PIEZO1: variants seen among roughly 807,000 people sequenced by gnomAD.
PIEZO1 encodes the protein piezo type mechanosensitive ion channel component 1 (Er blood group), also known as piezo-type mechanosensitive ion channel component 1.
In PIEZO1, 296 loss-of-function variants were observed where a neutral mutation model predicts 297.2. The ratio of observed to expected loss-of-function variants is 1.00; its 90% confidence interval spans 0.91 to 1.10. The LOEUF is 1.10. Among genes scored for constraint, PIEZO1 ranks in the 50% least tolerant of loss-of-function variants. PIEZO1 has a pLI of 0.00. For missense variants in PIEZO1, 5,018 were observed against 3,455.5 expected (o/e 1.45, Z -11.34); for synonymous variants, 2,427 against 1,507.5 (o/e 1.61, Z -14.13).
intron 1 of PIEZO1, among the ~76,000 whole-genome samples, chr16:88,761,389 C>G (rs1215093350): frequency 2.0e-5 from 3 of 152,204 alleles, no homozygotes; most frequent in Admixed American, 6.5e-5. Context: ...CTGCCCTGCC[C>G]AGGAGGGCAC....
chr16:88,724,888 G>A (rs1417219938), intron 30 of PIEZO1, 121 bp downstream of exon 30: 13 of 638,554 alleles, frequency 2.0e-5, no homozygotes, highest in African/African-American at 3.9e-5. Flanking sequence ...GCCTGAGCAC[G>A]TCCTGACGCT....
chr16:88,746,706 G>C (rs750124), intron 2 of PIEZO1, among the ~76,000 whole-genome samples: 1 of 152,042 alleles, frequency 6.6e-6, no homozygotes, highest in Non-Finnish European at 1.5e-5. Context: ...GGCCTCTGAC[G>C]AGGCTCAGGC....
At chr16:88,742,756 G>C (rs1429930076) in intron 2 of PIEZO1, 1 of 359,424 alleles carries the variant, frequency 2.8e-6, no homozygotes, top group East Asian at 7.1e-5. Flanking sequence ...TTCAGTTGTG[G>C]AAGCAGAGGA....
rs1389969952 is a variant in PIEZO1 at position 88,724,990 on chromosome 16, G to A, written c.4234+19C>T. On this transcript the variant is annotated intron_variant, in intron 30 of 50. Transcript: ENST00000301015. ...AGAGGGCCTGAGAGGGTGGCCACAG[G>A]CGGCCTAATTGGGGGTACCTGTGGC... The A allele has an allele frequency of 1.4e-6, 2 of 1,441,862 alleles. No individual in the cohort carries two copies. 89.3% of individuals were successfully genotyped at this position (1,441,862 alleles called of 1,614,324 possible).
rs1381798256 is a variant in PIEZO1 at position 88,723,974 on chromosome 16, G to A, written c.4235-3C>T. 3.9e-6 allele frequency: 6 copies of A among 1,523,840 alleles called. No homozygotes were observed. The highest frequency in any genetic ancestry group is 3.6e-5 in the South Asian group (3 of 83,524). The allele number at this position is 1,523,840 out of a possible 1,614,324, so 94.4% of individuals were successfully genotyped here. On this transcript the variant is annotated splice_polypyrimidine_tract_variant and splice_region_variant and intron_variant, in intron 30 of 50. Coordinates refer to ENST00000301015, the MANE Select transcript of PIEZO1 (RefSeq NM_001142864.4). Reference sequence around the variant, plus strand: ...GAAGTAGTCCCCGGAGTGGATGACTGTGGGCAGGCAGCACTGAGAGCCAGC... The same window carrying A: ...GAAGTAGTCCCCGGAGTGGATGACTATGGGCAGGCAGCACTGAGAGCCAGC...
chr16:88,717,035 C>T lies in PIEZO1; in HGVS notation c.6648G>A (p.Leu2216=), dbSNP rs1912095012. 4 of 1,550,664 alleles carry T rather than the reference C, an allele frequency of 2.6e-6. No individual in the cohort carries two copies. Among genetic ancestry groups the T allele is most frequent in the African/African-American group, 1.4e-5 (1 of 73,172 alleles). The change falls in exon 45 of 51, where the codon CTG becomes CTA. Residue 2216 remains leucine, a synonymous_variant. Coordinates refer to ENST00000301015, the MANE Select transcript of PIEZO1 (RefSeq NM_001142864.4). The part of the protein sequence containing the change: ...QPIDVTVTLK[L]GGYEPLFTMS... ...CACACATGCTCACCTCATAGCCGCCCAGCTTCAGGGTGACGGTGACATCGA... is the reference window on the plus strand; with the variant it reads ...CACACATGCTCACCTCATAGCCGCCTAGCTTCAGGGTGACGGTGACATCGA...
chr16:88,766,163 T>A (rs1007847437), intron 1 of PIEZO1, among the ~76,000 whole-genome samples: 1 of 152,186 alleles, frequency 6.6e-6, no homozygotes, highest in African/African-American at 2.4e-5. Flanking sequence ...CAAACGCCAA[T>A]CGCAATTTGG....
chr16:88,763,710 C>G (rs920324742), intron 1 of PIEZO1, among the ~76,000 whole-genome samples: 1 of 152,130 alleles, frequency 6.6e-6, no homozygotes, highest in Non-Finnish European at 1.5e-5. Flanking sequence ...TTCCAGAGGC[C>G]GCATGGACCA....
At chr16:88,736,036 C>A in intron 12 of PIEZO1, 112 bp downstream of exon 12, 2 of 1,089,082 alleles carry the variant, frequency 1.8e-6, no homozygotes, top group Non-Finnish European at 1.3e-6. Context: ...CAGACAGACA[C>A]ATCTGCCTTC....
intron 22 of PIEZO1, chr16:88,731,248 G>A (rs570927330): frequency 1.5e-4 from 27 of 185,554 alleles, no homozygotes; most frequent in South Asian, 3.1e-4. Context: ...TGCTGAGGCC[G>A]GGGCTGTTTG....
chr16:88,744,774 G>A lies in PIEZO1; in HGVS notation c.161-2352C>T, dbSNP rs566562099. Among the ~76,000 whole-genome samples the A allele has an allele frequency of 1.2e-3, 184 of 152,142 alleles. 1 individual carries two copies. Among genetic ancestry groups the A allele is most frequent in the Non-Finnish European group, 2.6e-4 (18 of 67,972 alleles). On this transcript the variant is annotated intron_variant, in intron 2 of 50. Transcript: ENST00000301015. ...GGTCGAAGGGGCCGCAGCTGGGCCT[G>A]GAGGCCACTCCTGGCCACGTGGCAC...
At chr16:88,778,751 C>T (rs1021920569) in intron 1 of PIEZO1, among the ~76,000 whole-genome samples, 1 of 152,310 alleles carries the variant, frequency 6.6e-6, no homozygotes, top group Non-Finnish European at 1.5e-5. Context: ...AGCAAAAATA[C>T]GGCCTGCGGT....
chr16:88,770,211 C>G (rs1907359082), intron 1 of PIEZO1, among the ~76,000 whole-genome samples: 1 of 152,224 alleles, frequency 6.6e-6, no homozygotes, highest in Non-Finnish European at 1.5e-5. Context: ...CAGAGGAGGC[C>G]TGCAGGCAGC....
chr16:88,733,271 C>A lies in PIEZO1; in HGVS notation c.2664+7G>T, dbSNP rs1904990451. The A allele has an allele frequency of 1.3e-6, 2 of 1,535,642 alleles. No homozygotes were observed. The highest frequency in any genetic ancestry group is 1.4e-5 in the African/African-American group (1 of 71,676). Reference sequence around the variant, plus strand: ...TTCCTCCCGTCCCAGCCCTCGGGGGCCGGTACCTCGGTGCAGTTGCTGGAA... The same window carrying A: ...TTCCTCCCGTCCCAGCCCTCGGGGGACGGTACCTCGGTGCAGTTGCTGGAA... On this transcript the variant is annotated splice_region_variant and intron_variant, in intron 19 of 50. Coordinates refer to ENST00000301015, the MANE Select transcript of PIEZO1 (RefSeq NM_001142864.4).
intron 21 of PIEZO1, among the ~76,000 whole-genome samples, 188 bp from the exon 22 acceptor site, chr16:88,732,098 CTG>C (rs1904887675): frequency 6.6e-6 from 1 of 151,892 alleles, no homozygotes; most frequent in Admixed American, 6.6e-5. Flanking sequence ...GCAGGGGAAA[CTG>C]AGGCTCCAGG....
At position 88,721,931 on chromosome 16, in the gene PIEZO1, G is replaced by C; in HGVS notation, c.5091C>G (p.Leu1697=). Reference sequence around the variant, plus strand: ...CGGCGGAGGCCGTGACCATGTGGTTGAGGATGATGATGAAGTAGCAGAGCA... The same window carrying C: ...CGGCGGAGGCCGTGACCATGTGGTTCAGGATGATGATGAAGTAGCAGAGCA... ...SELLCYFIII[L]NHMVTASAGS... The change falls in exon 37 of 51, where the codon CTC becomes CTG. Residue 1697 remains leucine, a synonymous_variant. Transcript: ENST00000301015. 1.3e-6 allele frequency: 2 copies of C among 1,550,198 alleles called. No individual in the cohort carries two copies. The highest frequency in any genetic ancestry group is 1.7e-6 in the Non-Finnish European group (2 of 1,146,838).
Position 88,749,384 on chromosome 16 carries a change from C to G in PIEZO1, c.160G>C (p.Gly54Arg). 6.7e-7 allele frequency: 1 copy of G among 1,497,822 alleles called. No homozygotes were observed. The highest frequency in any genetic ancestry group is 8.8e-7 in the Non-Finnish European group (1 of 1,131,386). The allele number at this position is 1,497,822 out of a possible 1,614,324, so 92.8% of individuals were successfully genotyped here. A position where few individuals can be genotyped will look rare whatever the true frequency, so the allele number is the denominator to read the frequency against. ...FPGPTRCGLQ[G>R]HTGRLLRALL... ...CGTGGGCAGGGTCCCCTGGCCTTACCTTGGAGGCCGCATCGGGTGGGGCCG... is the reference window on the plus strand; with the variant it reads ...CGTGGGCAGGGTCCCCTGGCCTTACGTTGGAGGCCGCATCGGGTGGGGCCG... Residue 54 changes from glycine to arginine, a missense_variant and splice_region_variant, in exon 2 of 51, where the codon GGT (glycine) becomes CGT (arginine). Coordinates refer to ENST00000301015, the MANE Select transcript of PIEZO1 (RefSeq NM_001142864.4).
rs1308317949 is a variant in PIEZO1, at chr16:88,716,345, C to CG, written c.7049+15dup. 7.9e-6 allele frequency: 12 copies of CG among 1,519,042 alleles called. No individual in the cohort carries two copies. In the African/African-American group the frequency reaches 1.5e-4, roughly 19 times the overall value. The allele number at this position is 1,519,042 out of a possible 1,614,324, so 94.1% of individuals were successfully genotyped here. ...TGGCACAGCCCTCCTGCCCACCACC[C>CG]GGGCCCTTCACTCACACAGACTGGT... On this transcript the variant is annotated intron_variant, in intron 48 of 50. Transcript: ENST00000301015.
chr16:88,741,621 G>T lies in PIEZO1; in HGVS notation c.327-5C>A. ...GGGATGTCCTTCAGGTCCAGCCTGC[G>T]GAGAGCAGGGAGCAGCCGCGGTCAG... On this transcript the variant is annotated splice_polypyrimidine_tract_variant and splice_region_variant and intron_variant, in intron 4 of 50. Coordinates refer to ENST00000301015, the MANE Select transcript of PIEZO1 (RefSeq NM_001142864.4). 6.5e-7 allele frequency: 1 copy of T among 1,533,560 alleles called. No homozygotes were observed. Among genetic ancestry groups the T allele is most frequent in the East Asian group, 2.4e-5 (1 of 40,886 alleles). 95.0% of individuals were successfully genotyped at this position (1,533,560 alleles called of 1,614,324 possible). A position where few individuals can be genotyped will look rare whatever the true frequency, so the allele number is the denominator to read the frequency against.
Sources: gnomAD v4.1 joint callset for allele counts (sites outside exome capture counted in the v4.1 genomes callset) on GRCh38, gnomAD v4.1.1 for gene constraint, MANE v1.5 for transcripts, NCBI Gene and HGNC (gene_info 2026-07-23, HGNC 2026-07-21) for gene names.